The following CFAP299 variants were observed in gnomAD, a reference collection of about 807,000 sequenced individuals.
CFAP299 encodes cilia- and flagella-associated protein 299.
Under a neutral mutation model 27.0 loss-of-function variants are expected in CFAP299, and 21 were observed. The observed-to-expected ratio is 0.78, with a 90% CI of 0.55 to 1.12. The LOEUF is 1.12. CFAP299 is among the 50% of genes most tolerant of loss of function. CFAP299 has a pLI of 0.00. For synonymous variants in CFAP299, 104 were observed against 98.1 expected (o/e 1.06, Z -0.36); for missense variants, 310 against 276.6 (o/e 1.12, Z -0.86).
At chr4:80,662,202 T>C (rs2109982732) in intron 3 of CFAP299, among the ~76,000 whole-genome samples, 1 of 152,246 alleles carries the variant, frequency 6.6e-6, no homozygotes, top group African/African-American at 2.4e-5. Context: ...ATTCGTACAC[T>C]CCTTCCCCTT....
chr4:80,902,491 CAT>C (rs1734965839), intron 4 of CFAP299, among the ~76,000 whole-genome samples: 1 of 111,958 alleles, frequency 8.9e-6, no homozygotes, highest in Non-Finnish European at 1.6e-5. Context: ...TGTATATATA[CAT>C]ATATATGGAT....
intron 4 of CFAP299, among the ~76,000 whole-genome samples, chr4:80,930,672 G>GA (rs1736569495): frequency 6.6e-6 from 1 of 152,048 alleles, no homozygotes; most frequent in Admixed American, 6.6e-5. Context: ...AAGTGGAGGG[G>GA]AAAAAATTGT....
chr4:80,834,865 A>G (rs1251993865), intron 3 of CFAP299, among the ~76,000 whole-genome samples: 1 of 152,162 alleles, frequency 6.6e-6, no homozygotes, highest in Non-Finnish European at 1.5e-5. Flanking sequence ...ACAGAAATTC[A>G]ACAGCATACT....
chr4:80,627,140 T>C (rs1738950055), intron 3 of CFAP299, among the ~76,000 whole-genome samples: 1 of 151,928 alleles, frequency 6.6e-6, no homozygotes, highest in Admixed American at 6.6e-5. Flanking sequence ...TTGAAAATAT[T>C]ATTCATCATG....
intron 3 of CFAP299, among the ~76,000 whole-genome samples, chr4:80,782,479 A>T (rs1201576136): frequency 6.8e-6 from 1 of 147,620 alleles, no homozygotes; most frequent in African/African-American, 2.5e-5. Context: ...ACTTTAAATT[A>T]TATGTATATA....
intron 4 of CFAP299, chr4:80,871,543 C>A: frequency 4.1e-6 from 4 of 985,392 alleles, no homozygotes; most frequent in Non-Finnish European, 4.8e-6. Flanking sequence ...CCTGCTATTG[C>A]TTCTGTGTCA....
At chr4:80,765,577 G>A (rs1333064077) in intron 3 of CFAP299, among the ~76,000 whole-genome samples, 1 of 151,696 alleles carries the variant, frequency 6.6e-6, no homozygotes, top group Non-Finnish European at 1.5e-5. Context: ...AAAAGAATTG[G>A]ACCCTTAGAA....
chr4:80,599,961 T>G lies in CFAP299; in HGVS notation c.333+16778T>G, dbSNP rs191151613. Among the ~76,000 whole-genome samples, 14 of 152,190 alleles carry G rather than the reference T, an allele frequency of 9.2e-5. 1 individual carries two copies. The East Asian group carries it at 2.7e-3, about 29-fold the overall frequency. On this transcript the variant is annotated intron_variant, in intron 3 of 5. Transcript: ENST00000358105. ...ACAAAAACAAACAAAAAGCTGAAAT[T>G]TATCAGATCTCAAAGGGAAAAATTA...
chr4:80,435,982 A>C (rs967655684), intron 2 of CFAP299, among the ~76,000 whole-genome samples: 1 of 152,152 alleles, frequency 6.6e-6, no homozygotes, highest in Non-Finnish European at 1.5e-5. Flanking sequence ...GATGAGAGGG[A>C]CTTTCAGCTG....
chr4:80,688,597 A>G (rs1578020414), intron 3 of CFAP299, among the ~76,000 whole-genome samples: 2 of 152,334 alleles, frequency 1.3e-5, no homozygotes, highest in South Asian at 2.1e-4. Flanking sequence ...TGGGGAAAAA[A>G]CAGAGCAGAA....
At chr4:80,652,236 A>G (rs1330583429) in intron 3 of CFAP299, among the ~76,000 whole-genome samples, 3 of 152,256 alleles carry the variant, frequency 2.0e-5, no homozygotes, top group South Asian at 2.1e-4. Flanking sequence ...GAGTCTCTGC[A>G]TGTGGTAAAA....
chr4:80,735,483 C>A (rs1490210453), intron 3 of CFAP299, among the ~76,000 whole-genome samples: 1 of 152,014 alleles, frequency 6.6e-6, no homozygotes, highest in African/African-American at 2.4e-5. Flanking sequence ...TGTTGAATAA[C>A]AGTGGTAAAA....
chr4:80,782,297 C>CTT (rs1726925203), intron 3 of CFAP299, among the ~76,000 whole-genome samples: 1 of 151,740 alleles, frequency 6.6e-6, no homozygotes, highest in Non-Finnish European at 1.5e-5. Flanking sequence ...GAGAGCAAAG[C>CTT]CCATGGATGG....
At chr4:80,362,619 T>C (rs1723608436) in intron 1 of CFAP299, 135 bp from the exon 2 acceptor site, 5 of 922,834 alleles carry the variant, frequency 5.4e-6, no homozygotes, top group Non-Finnish European at 6.2e-6. Context: ...ATAGATCATG[T>C]CTAGTTTTTA....
intron 4 of CFAP299, among the ~76,000 whole-genome samples, chr4:80,905,880 T>C (rs1735158037): frequency 6.6e-6 from 1 of 152,102 alleles, no homozygotes; most frequent in African/African-American, 2.4e-5. Flanking sequence ...ATTTGGGTGG[T>C]GGTACAGCCA....
chr4:80,449,563 T>TTA (rs2110095154), intron 2 of CFAP299, among the ~76,000 whole-genome samples: 1 of 151,936 alleles, frequency 6.6e-6, no homozygotes, highest in Admixed American at 6.5e-5. Context: ...TCAAAGGGAA[T>TTA]TATATGCTTA....
intron 5 of CFAP299, among the ~76,000 whole-genome samples, chr4:80,955,251 G>C (rs1473052070): frequency 6.6e-6 from 1 of 152,120 alleles, no homozygotes; most frequent in Admixed American, 6.5e-5. Context: ...CTTAAGAGGA[G>C]CAATGCTTAG....
At chr4:80,660,976 G>A (rs965951067) in intron 3 of CFAP299, among the ~76,000 whole-genome samples, 2 of 152,118 alleles carry the variant, frequency 1.3e-5, no homozygotes, top group Admixed American at 6.6e-5. Context: ...TGTTGCAAGA[G>A]AGAACTTAAA....
At chr4:80,895,608 T>C (rs1391354309) in intron 4 of CFAP299, among the ~76,000 whole-genome samples, 1 of 152,074 alleles carries the variant, frequency 6.6e-6, no homozygotes, top group African/African-American at 2.4e-5. Context: ...GATGTTTTTC[T>C]ATATTCAAAT....
Sources: allele counts gnomAD v4.1 joint callset (sites outside exome capture counted in the v4.1 genomes callset), GRCh38; gene constraint gnomAD v4.1.1; transcripts MANE v1.5; gene names NCBI Gene and HGNC (gene_info 2026-07-23, HGNC 2026-07-21).